The following SEPTIN2 variants were observed in gnomAD, a reference collection of about 807,000 sequenced individuals.
SEPTIN2 encodes the protein septin 2.
Under a neutral mutation model 46.5 loss-of-function variants are expected in SEPTIN2, and 34 were observed. The ratio of observed to expected loss-of-function variants is 0.73; its 90% confidence interval spans 0.56 to 0.97. SEPTIN2 has a LOEUF of 0.97. SEPTIN2 is among the 50% of genes least tolerant of loss of function. SEPTIN2 has a pLI of 0.00. For missense variants in SEPTIN2, 347 were observed against 448.4 expected, an observed-to-expected ratio of 0.77 and a Z score of 2.04; for synonymous variants, 175 against 153.4, an observed-to-expected ratio of 1.14 and a Z score of -1.04.
chr2:241,316,836 C>A (rs1178417892), intron 1 of SEPTIN2: 2 of 306,072 alleles, frequency 6.5e-6, no homozygotes, highest in Admixed American at 5.1e-5. Flanking sequence ...ACTCTTAAAT[C>A]TGGCTACTTC....
intron 1 of SEPTIN2, among the ~76,000 whole-genome samples, chr2:241,319,075 G>C (rs1425723327): frequency 6.6e-6 from 1 of 152,128 alleles, no homozygotes; most frequent in African/African-American, 2.4e-5. Flanking sequence ...ATTATATTCA[G>C]TAAACTCACC....
intron 5 of SEPTIN2, 36 bp from the exon 6 acceptor site, chr2:241,337,345 AC>A: frequency 6.3e-7 from 1 of 1,590,784 alleles, no homozygotes; most frequent in South Asian, 1.1e-5. Flanking sequence ...CCTGTTTTAT[AC>A]CCTATGATTA....
At chr2:241,339,752 A>G (rs2080998913) in intron 7 of SEPTIN2, among the ~76,000 whole-genome samples, 1 of 152,042 alleles carries the variant, frequency 6.6e-6, no homozygotes, top group African/African-American at 2.4e-5. Flanking sequence ...TCCCTCAGAT[A>G]CCTGTGTGGG....
chr2:241,333,554 C>T (rs898972499), intron 3 of SEPTIN2, among the ~76,000 whole-genome samples: 2 of 152,124 alleles, frequency 1.3e-5, no homozygotes, highest in South Asian at 2.1e-4. Flanking sequence ...CAGTCGCCCA[C>T]GCTGGAGTGC....
Position 241,335,305 on chromosome 2 carries a change from T to C in SEPTIN2, c.217+93T>C, listed in dbSNP as rs748171076. The C allele has an allele frequency of 6.4e-6, 10 of 1,560,932 alleles. No individual in the cohort carries two copies. The South Asian group carries it at 1.1e-4, about 16-fold the overall frequency. ...TATTTTATGTCTTAGCTGTGTGTTT[T>C]GTTTGTTCTTGTTCAGCTTTGAACA... On this transcript the variant is annotated intron_variant, in intron 4 of 12. Transcript: ENST00000391971.
chr2:241,348,400 T>C (rs760055622), intron 11 of SEPTIN2, among the ~76,000 whole-genome samples: 20 of 152,130 alleles, frequency 1.3e-4, no homozygotes, highest in Admixed American at 9.2e-4. Context: ...GCTAGTTGTT[T>C]TTGTATTTTT....
intron 12 of SEPTIN2, among the ~76,000 whole-genome samples, 166 bp downstream of exon 12, chr2:241,350,369 A>G (rs2060673973): frequency 6.6e-6 from 1 of 151,940 alleles, no homozygotes; most frequent in Admixed American, 6.6e-5. Context: ...AGAAGCCACT[A>G]CTTTGCCACC....
chr2:241,343,000 T>C lies in SEPTIN2; in HGVS notation c.603T>C (p.Asp201=), dbSNP rs374648256. ...ERERLKKRIL[D]EIEEHNIKIY... is the part of the protein sequence containing the mutation. ...TTTTGTCATTCTCTCAGATTCTGGA[T>C]GAAATTGAAGAACATAACATCAAAA... Residue 201 remains aspartate, a synonymous_variant, in exon 8 of 13, where the codon GAT becomes GAC. Transcript: ENST00000391971. 6.3e-7 allele frequency: 1 copy of C among 1,592,116 alleles called. No homozygotes were observed. Among genetic ancestry groups the C allele is most frequent in the Non-Finnish European group, 8.6e-7 (1 of 1,162,496 alleles).
chr2:241,324,210 T>A lies in SEPTIN2; in HGVS notation c.-17-6T>A, dbSNP rs756088524. ...TATGTGTGTCTGTGTGTTTTTTTTT[T>A]AACAGACGAAGCTTCACAAAAGATG... is the stretch of plus-strand genomic sequence containing the variant. On this transcript the variant is annotated splice_region_variant and splice_polypyrimidine_tract_variant and intron_variant, in intron 1 of 12. Transcript: ENST00000391971. 2.5e-6 allele frequency: 4 copies of A among 1,610,068 alleles called. No individual in the cohort carries two copies. Among genetic ancestry groups the A allele is most frequent in the Non-Finnish European group, 3.4e-6 (4 of 1,178,494 alleles).
upstream of SEPTIN2, chr2:241,315,737 C>T (rs1372733612): frequency 1.3e-5 from 2 of 152,438 alleles, no homozygotes; most frequent in African/African-American, 4.8e-5. Flanking sequence ...GGCGCTTGCG[C>T]AGAGGCGGAC....
chr2:241,338,921 TTG>T (rs796074776), intron 7 of SEPTIN2, among the ~76,000 whole-genome samples: 10,533 of 97,990 alleles, frequency 0.11, 746 homozygotes, highest in Non-Finnish European at 0.14. Context: ...ATATATATAA[TTG>T]TACATATATT....
intron 3 of SEPTIN2, among the ~76,000 whole-genome samples, chr2:241,327,160 A>G (rs1323498719): frequency 2.6e-5 from 4 of 152,088 alleles, no homozygotes; most frequent in East Asian, 3.8e-4. Flanking sequence ...AAAACTGTAC[A>G]TAATCAGGAG....
chr2:241,343,173 G>C (rs2081483644), intron 8 of SEPTIN2, 80 bp downstream of exon 8: 1 of 813,776 alleles, frequency 1.2e-6, no homozygotes, highest in South Asian at 1.5e-5. Flanking sequence ...GATTGCCTGG[G>C]TATGTTCAGT....
At position 241,336,018 on chromosome 2, in the gene SEPTIN2, A is replaced by C; in HGVS notation, c.261A>C (p.Glu87Asp). 1 of 1,614,136 alleles carries C rather than the reference A, an allele frequency of 6.2e-7. No homozygotes were observed. Among genetic ancestry groups the C allele is most frequent in the East Asian group, 2.2e-5 (1 of 44,872 alleles). Reference sequence around the variant, plus strand: ...TCCAGATTGAGGCTTCAACTGTTGAAATTGAAGAGCGAGGGGTCAAGCTAC... The same window carrying C: ...TCCAGATTGAGGCTTCAACTGTTGACATTGAAGAGCGAGGGGTCAAGCTAC... ...RTVQIEASTV[E>D]IEERGVKLRL... Residue 87 changes from glutamate to aspartate, a missense_variant, in exon 5 of 13, where the codon GAA becomes GAC. Physicochemically the swap from Glu to Asp is conservative, Grantham distance 45 (BLOSUM62 2). Coordinates refer to ENST00000391971, the MANE Select transcript of SEPTIN2 (RefSeq NM_004404.5).
At chr2:241,339,054 T>C (rs1246554605) in intron 7 of SEPTIN2, among the ~76,000 whole-genome samples, 2 of 132,356 alleles carry the variant, frequency 1.5e-5, no homozygotes, top group African/African-American at 5.7e-5. Flanking sequence ...TACATTTTTA[T>C]ATATTATATA....
intron 9 of SEPTIN2, among the ~76,000 whole-genome samples, chr2:241,345,468 C>T (rs1201676390): frequency 6.6e-6 from 1 of 152,160 alleles, no homozygotes; most frequent in Admixed American, 6.5e-5. Flanking sequence ...GTGTGTTTCT[C>T]ACAATGAGGT....
intron 3 of SEPTIN2, among the ~76,000 whole-genome samples, chr2:241,328,096 C>T (rs2078301313): frequency 6.6e-6 from 1 of 152,030 alleles, no homozygotes; most frequent in South Asian, 2.1e-4. Context: ...TTATTACATA[C>T]AGGGGATTGA....
chr2:241,337,543 T>C (rs764881679), intron 6 of SEPTIN2, 27 bp downstream of exon 6: 1 of 1,611,500 alleles, frequency 6.2e-7, no homozygotes, highest in Admixed American at 1.7e-5. Flanking sequence ...CGTGGAGAAA[T>C]GCTTTACTAC....
Position 241,337,472 on chromosome 2 carries a change from T to C in SEPTIN2, c.432T>C (p.Asn144=), listed in dbSNP as rs140406256. ...SGLNRRHIID[N]RVHCCFYFIS... ...TGAACAGGCGGCACATCATTGATAA[T>C]AGGGTGCATTGTTGCTTTTACTTTA... The change falls in exon 6 of 13, where the codon AAT becomes AAC. Residue 144 remains asparagine (N), a synonymous_variant. Transcript: ENST00000391971. 338 of 1,614,008 alleles carry C rather than the reference T, an allele frequency of 2.1e-4. 3 individuals carry two copies. The highest frequency in any genetic ancestry group is 5.0e-5 in the Admixed American group (3 of 60,002).
Sources: allele counts gnomAD v4.1 joint callset (sites outside exome capture counted in the v4.1 genomes callset), GRCh38; gene constraint gnomAD v4.1.1; transcripts MANE v1.5; gene names NCBI Gene and HGNC (gene_info 2026-07-23, HGNC 2026-07-21).